Variants in PDE4D observed in about 807,000 individuals in gnomAD.
The protein encoded by PDE4D is phosphodiesterase 4D, also known as 3',5'-cyclic-AMP phosphodiesterase 4D.
In PDE4D, 24 loss-of-function variants were observed where a neutral mutation model predicts 87.4. That is an observed-to-expected ratio of 0.27 (90% CI 0.20 to 0.39). The LOEUF is 0.39. Ranked by LOEUF, PDE4D falls within the 10% of genes least tolerant of loss-of-function variation. The pLI is 1.00. For missense variants in PDE4D, 714 were observed against 1,041.0 expected, an observed-to-expected ratio of 0.69 and a Z score of 4.32; for synonymous variants, 384 against 383.2, an observed-to-expected ratio of 1.00 and a Z score of -0.02.
chr5:60,163,437 AG>A (rs1162150427), intron 2 of PDE4D, among the ~76,000 whole-genome samples: 1 of 152,124 alleles, frequency 6.6e-6, no homozygotes, highest in Non-Finnish European at 1.5e-5. Context: ...AGCTGTTTCC[AG>A]CAGTCTTTCC....
chr5:59,087,005 G>A (rs1465756867), intron 5 of PDE4D, among the ~76,000 whole-genome samples: 2 of 151,962 alleles, frequency 1.3e-5, no homozygotes, highest in African/African-American at 4.8e-5. Flanking sequence ...GACTTCCAAG[G>A]ACATTTCCAC....
intron 1 of PDE4D, among the ~76,000 whole-genome samples, chr5:60,479,795 AC>A (rs34446918): frequency 1.3e-4 from 20 of 152,130 alleles, no homozygotes; most frequent in Non-Finnish European, 2.2e-4. Context: ...TAGTTTGCCA[AC>A]CCTTGCTCTA....
intron 5 of PDE4D, among the ~76,000 whole-genome samples, chr5:59,088,244 A>G (rs1163390035): frequency 6.6e-6 from 1 of 152,166 alleles, no homozygotes; most frequent in Non-Finnish European, 1.5e-5. Flanking sequence ...TTATTGTGCC[A>G]TCCTTCTCTC....
At chr5:59,545,307 G>C (rs1439281616) in intron 1 of PDE4D, among the ~76,000 whole-genome samples, 1 of 151,974 alleles carries the variant, frequency 6.6e-6, no homozygotes, top group Non-Finnish European at 1.5e-5. Context: ...CAACAGTGCT[G>C]GGTTTTCAAT....
chr5:59,117,666 A>G (rs190123870), intron 5 of PDE4D, among the ~76,000 whole-genome samples: 1 of 152,304 alleles, frequency 6.6e-6, no homozygotes, highest in Non-Finnish European at 1.5e-5. Context: ...TTGCAGGAAT[A>G]TGCTGGAACT....
intron 1 of PDE4D, among the ~76,000 whole-genome samples, chr5:60,520,331 A>G (rs1235753710): frequency 6.6e-6 from 1 of 152,138 alleles, no homozygotes. Context: ...AACATGGACT[A>G]CTAACCCCAC....
chr5:59,083,003 G>T (rs1476663103), intron 5 of PDE4D, among the ~76,000 whole-genome samples: 2 of 152,056 alleles, frequency 1.3e-5, no homozygotes, highest in African/African-American at 4.8e-5. Context: ...CCGTTGCTTT[G>T]TTTTGCTTGA....
At chr5:60,230,905 C>A (rs956537834) in intron 1 of PDE4D, among the ~76,000 whole-genome samples, 11 of 151,998 alleles carry the variant, frequency 7.2e-5, no homozygotes, top group African/African-American at 2.4e-4. Context: ...TCAGTTGAAA[C>A]CCTTAGTTCT....
At chr5:60,433,006 A>T (rs901323484) in intron 1 of PDE4D, among the ~76,000 whole-genome samples, 4 of 152,234 alleles carry the variant, frequency 2.6e-5, no homozygotes, top group Non-Finnish European at 5.9e-5. Flanking sequence ...ATACCATTCT[A>T]AACATAGGCC....
chr5:60,307,661 C>T (rs1489483350), intron 1 of PDE4D, among the ~76,000 whole-genome samples: 3 of 151,972 alleles, frequency 2.0e-5, no homozygotes, highest in African/African-American at 4.8e-5. Context: ...CTTCCCCAAC[C>T]TTTATTTATC....
chr5:59,474,692 G>T (rs1156668234), intron 1 of PDE4D, among the ~76,000 whole-genome samples: 1 of 151,950 alleles, frequency 6.6e-6, no homozygotes, highest in Non-Finnish European at 1.5e-5. Context: ...AAGAGAACAA[G>T]AAATAAAATT....
At chr5:59,672,897 G>A (rs1443354690) in intron 1 of PDE4D, among the ~76,000 whole-genome samples, 1 of 152,110 alleles carries the variant, frequency 6.6e-6, no homozygotes, top group Non-Finnish European at 1.5e-5. Flanking sequence ...ATAACAAGAT[G>A]TCTCACAAAT....
chr5:60,283,738 C>G (rs1752160375), intron 1 of PDE4D, among the ~76,000 whole-genome samples: 3 of 152,098 alleles, frequency 2.0e-5, no homozygotes, highest in African/African-American at 7.2e-5. Flanking sequence ...TTCTATATCA[C>G]AGCAGGGCCT....
At chr5:59,679,419 T>C (rs1188008865) in intron 1 of PDE4D, among the ~76,000 whole-genome samples, 2 of 152,198 alleles carry the variant, frequency 1.3e-5, no homozygotes, top group Non-Finnish European at 2.9e-5. Context: ...GTCCTCCAAA[T>C]AGGTAATCAG....
chr5:60,293,703 T>C (rs1753125557), intron 1 of PDE4D, among the ~76,000 whole-genome samples: 1 of 152,176 alleles, frequency 6.6e-6, no homozygotes. Flanking sequence ...ATGTATTCCT[T>C]TTTGTCTCGA....
intron 1 of PDE4D, among the ~76,000 whole-genome samples, chr5:59,498,247 G>A (rs1807587331): frequency 6.6e-6 from 1 of 151,320 alleles, no homozygotes; most frequent in Non-Finnish European, 1.5e-5. Flanking sequence ...ATAGCCCACA[G>A]GCCCTAAGCA....
intron 1 of PDE4D, among the ~76,000 whole-genome samples, chr5:60,283,803 G>A (rs1461395396): frequency 6.6e-6 from 1 of 152,066 alleles, no homozygotes; most frequent in Non-Finnish European, 1.5e-5. Context: ...ATTCACCTAT[G>A]AGCTGCTGTT....
intron 1 of PDE4D, among the ~76,000 whole-genome samples, chr5:59,804,765 G>T (rs992874623): frequency 6.6e-6 from 1 of 152,088 alleles, no homozygotes; most frequent in Admixed American, 6.6e-5. Flanking sequence ...TATTCTGGGT[G>T]TGCCAATAGC....
chr5:59,395,247 C>T (rs537030505), intron 1 of PDE4D, among the ~76,000 whole-genome samples: 39 of 152,294 alleles, frequency 2.6e-4, no homozygotes, highest in African/African-American at 9.4e-4. Flanking sequence ...AGGAGGCCTG[C>T]GTGCTTCTGT....
Sources: allele counts gnomAD v4.1 joint callset (sites outside exome capture counted in the v4.1 genomes callset), GRCh38; gene constraint gnomAD v4.1.1; transcripts MANE v1.5; gene names NCBI Gene and HGNC (gene_info 2026-07-23, HGNC 2026-07-21).